The following ADGRL3 variants were observed in gnomAD, a reference collection of about 807,000 sequenced individuals.
ADGRL3 encodes adhesion G protein-coupled receptor L3.
Under a neutral mutation model 153.5 loss-of-function variants are expected in ADGRL3, and 62 were observed. That is an observed-to-expected ratio of 0.40 (90% CI 0.33 to 0.50). ADGRL3 has a LOEUF of 0.50. Among genes scored for constraint, ADGRL3 ranks in the 20% least tolerant of loss-of-function variants. The pLI is 0.47. For synonymous variants in ADGRL3, 710 were observed against 672.5 expected, an observed-to-expected ratio of 1.06 and a Z score of -0.86; for missense variants, 1,641 against 1,859.4, an observed-to-expected ratio of 0.88 and a Z score of 2.16.
intron 2 of ADGRL3, among the ~76,000 whole-genome samples, chr4:61,387,976 T>C (rs1379195269): frequency 2.0e-5 from 3 of 152,172 alleles, no homozygotes; most frequent in African/African-American, 4.8e-5. Flanking sequence ...AACTAACAAA[T>C]GTCCATAAAA....
intron 23 of ADGRL3, 59 bp downstream of exon 23, chr4:62,031,669 G>A: frequency 8.6e-7 from 1 of 1,157,488 alleles, no homozygotes; most frequent in Admixed American, 2.1e-5. Flanking sequence ...TAGCAAAGCA[G>A]CCACAACATA....
At chr4:61,661,578 A>T (rs2094595421) in intron 5 of ADGRL3, among the ~76,000 whole-genome samples, 3 of 152,124 alleles carry the variant, frequency 2.0e-5, no homozygotes, top group African/African-American at 7.2e-5. Context: ...AATATTTATG[A>T]AACTTTGTCT....
intron 22 of ADGRL3, among the ~76,000 whole-genome samples, chr4:62,029,984 A>G (rs1360307789): frequency 6.6e-6 from 1 of 151,604 alleles, no homozygotes; most frequent in African/African-American, 2.4e-5. Context: ...TTTGTAATTC[A>G]TATAAGCAAA....
chr4:62,028,137 A>G (rs1404261189), intron 21 of ADGRL3, among the ~76,000 whole-genome samples: 5 of 151,878 alleles, frequency 3.3e-5, no homozygotes, highest in Admixed American at 6.6e-5. Flanking sequence ...AGCAAAAAAT[A>G]CATTTATAAA....
intron 5 of ADGRL3, among the ~76,000 whole-genome samples, chr4:61,643,501 G>A (rs954925890): frequency 6.6e-6 from 1 of 151,806 alleles, no homozygotes; most frequent in Non-Finnish European, 1.5e-5. Context: ...AGCATGAAGG[G>A]TTGTTGAATT....
At chr4:61,491,952 T>A (rs2098262476) in intron 2 of ADGRL3, among the ~76,000 whole-genome samples, 1 of 152,182 alleles carries the variant, frequency 6.6e-6, no homozygotes, top group African/African-American at 2.4e-5. Flanking sequence ...ACCCAAGTGA[T>A]AATTCTGAAT....
At chr4:61,787,486 A>G (rs1409557765) in intron 8 of ADGRL3, among the ~76,000 whole-genome samples, 2 of 152,072 alleles carry the variant, frequency 1.3e-5, no homozygotes, top group African/African-American at 4.8e-5. Context: ...CAATTTTATA[A>G]AGTAACAACA....
intron 1 of ADGRL3, among the ~76,000 whole-genome samples, chr4:61,351,691 C>T (rs1057164359): frequency 1.3e-5 from 2 of 151,690 alleles, no homozygotes; most frequent in South Asian, 2.1e-4. Flanking sequence ...GCCTGGATGA[C>T]AGCACATCTG....
At chr4:61,504,821 G>A (rs753054807) in intron 3 of ADGRL3, among the ~76,000 whole-genome samples, 1 of 152,028 alleles carries the variant, frequency 6.6e-6, no homozygotes, top group Non-Finnish European at 1.5e-5. Flanking sequence ...AAATTTCATT[G>A]TGTATGTGTA....
chr4:61,593,437 A>G (rs772331577), intron 5 of ADGRL3, among the ~76,000 whole-genome samples: 16 of 150,120 alleles, frequency 1.1e-4, no homozygotes, highest in Non-Finnish European at 2.4e-4. Flanking sequence ...CATCTTTTTT[A>G]TTTCTGATTG....
At chr4:61,735,037 A>G (rs558749148) in intron 8 of ADGRL3, among the ~76,000 whole-genome samples, 67 of 152,330 alleles carry the variant, frequency 4.4e-4, no homozygotes, top group Non-Finnish European at 8.2e-4. Flanking sequence ...CTTCTAACTT[A>G]GTCTAGTATA....
At chr4:61,339,486 G>A (rs868538573) in intron 1 of ADGRL3, among the ~76,000 whole-genome samples, 1 of 152,102 alleles carries the variant, frequency 6.6e-6, no homozygotes, top group East Asian at 1.9e-4. Context: ...CATTGGATTT[G>A]GTTTACTTGA....
chr4:61,334,835 A>G (rs1466802530), intron 1 of ADGRL3, among the ~76,000 whole-genome samples: 1 of 152,064 alleles, frequency 6.6e-6, no homozygotes, highest in African/African-American at 2.4e-5. Context: ...CTATTCATCA[A>G]ATTGGATTTA....
At chr4:61,993,993 T>G (rs2099113004) in intron 19 of ADGRL3, among the ~76,000 whole-genome samples, 2 of 152,098 alleles carry the variant, frequency 1.3e-5, no homozygotes, top group African/African-American at 4.8e-5. Flanking sequence ...TTCGAACAGG[T>G]TTATTGTGTT....
At chr4:61,827,827 C>G (rs933358121) in intron 9 of ADGRL3, among the ~76,000 whole-genome samples, 3 of 152,056 alleles carry the variant, frequency 2.0e-5, no homozygotes, top group African/African-American at 4.8e-5. Flanking sequence ...TAAAGATCAC[C>G]CATTATTGAT....
intron 8 of ADGRL3, among the ~76,000 whole-genome samples, chr4:61,812,230 G>T (rs528604362): frequency 6.6e-5 from 10 of 152,234 alleles, no homozygotes. Flanking sequence ...GTATTCCACT[G>T]AAACATGGCC....
intron 2 of ADGRL3, among the ~76,000 whole-genome samples, chr4:61,410,461 C>A (rs1344132941): frequency 6.6e-6 from 1 of 151,908 alleles, no homozygotes; most frequent in Admixed American, 6.6e-5. Context: ...TAAGGATATT[C>A]TCTTATATAA....
chr4:61,869,424 C>T (rs901817652), intron 9 of ADGRL3, among the ~76,000 whole-genome samples: 7 of 150,554 alleles, frequency 4.6e-5, no homozygotes, highest in Non-Finnish European at 5.9e-5. Flanking sequence ...AGGTGAAACC[C>T]CATCTCTACT....
At chr4:61,901,976 A>G (rs779792252) in intron 11 of ADGRL3, among the ~76,000 whole-genome samples, 1 of 152,178 alleles carries the variant, frequency 6.6e-6, no homozygotes, top group Non-Finnish European at 1.5e-5. Context: ...AAGCTATGAG[A>G]TGTGGAATAA....
Sources: gnomAD v4.1 joint callset for allele counts (sites outside exome capture counted in the v4.1 genomes callset) on GRCh38, gnomAD v4.1.1 for gene constraint, MANE v1.5 for transcripts, NCBI Gene and HGNC (gene_info 2026-07-23, HGNC 2026-07-21) for gene names.